TCAF1: variants seen among roughly 807,000 people sequenced by gnomAD.
TCAF1 encodes TRPM8 channel associated factor 1.
TCAF1 carries 4 observed loss-of-function variants against 27.3 expected under a neutral mutation model. The observed-to-expected ratio is 0.15, with a 90% CI of 0.07 to 0.34. The LOEUF is 0.34. Among genes scored for constraint, TCAF1 ranks in the 10% least tolerant of loss-of-function variants. TCAF1 has a pLI of 1.00. For synonymous variants in TCAF1, 105 were observed against 167.1 expected (o/e 0.63, Z 2.87); for missense variants, 257 against 425.8 (o/e 0.60, Z 3.49).
chr7:143,881,073 C>T (rs1351615538), intron 1 of TCAF1, among the ~76,000 whole-genome samples: 1 of 152,174 alleles, frequency 6.6e-6, no homozygotes, highest in Non-Finnish European at 1.5e-5. Flanking sequence ...CCACTCCCAC[C>T]ACAGAGCAGC....
At chr7:143,885,430 G>C in intron 1 of TCAF1, 1 of 985,410 alleles carries the variant, frequency 1.0e-6, no homozygotes, top group Non-Finnish European at 1.2e-6. Context: ...GAGCTTGGCC[G>C]CCGCCCCCGG....
chr7:143,898,848 G>T (rs912711289), intron 1 of TCAF1, among the ~76,000 whole-genome samples: 1 of 152,136 alleles, frequency 6.6e-6, no homozygotes, highest in Non-Finnish European at 1.5e-5. Context: ...CTTAATGAGA[G>T]GCCATCAGGT....
At chr7:143,890,204 A>G (rs2116848559) in intron 1 of TCAF1, among the ~76,000 whole-genome samples, 1 of 151,646 alleles carries the variant, frequency 6.6e-6, no homozygotes, top group East Asian at 2.0e-4. Flanking sequence ...GGGTTTCACC[A>G]TGTTAGCCAG....
At chr7:143,875,764 T>G (rs1199200633) in intron 2 of TCAF1, among the ~76,000 whole-genome samples, 1 of 152,172 alleles carries the variant, frequency 6.6e-6, no homozygotes, top group East Asian at 1.9e-4. Flanking sequence ...CACCATTAAG[T>G]TCAAATTATC....
chr7:143,860,020 T>TATATTATATATATAATATATAA (rs1563212159), intron 6 of TCAF1, among the ~76,000 whole-genome samples, 188 bp downstream of exon 6: 1 of 13,756 alleles, frequency 7.3e-5, no homozygotes, highest in Non-Finnish European at 1.9e-4. Flanking sequence ...ATAATATATA[T>TATATTATATATATAATATATAA]TATATATTAT....
rs1811871439 is a variant in TCAF1 at position 143,859,981 on chromosome 7, T to TTATATATTATA, written c.2167+226_2167+227insTATAATATATA. On this transcript the variant is annotated intron_variant, in intron 6 of 8. Transcript: ENST00000479870. ...CGGAATATATATTATATAATATATA[T>TTATATATTATA]TATATAATATATATTATATAATATA... Among the ~76,000 whole-genome samples, 114 of 43,488 alleles carry TTATATATTATA rather than the reference T, an allele frequency of 2.6e-3. 2 individuals are homozygous for TTATATATTATA. Among genetic ancestry groups the TTATATATTATA allele is most frequent in the Non-Finnish European group, 3.8e-3 (95 of 25,030 alleles). The allele number at this position is 43,488 out of a possible 152,430, so 28.5% of individuals were successfully genotyped here.
At chr7:143,876,812 A>C (rs774769870) in intron 1 of TCAF1, among the ~76,000 whole-genome samples, 190 bp from the exon 2 acceptor site, 2 of 152,226 alleles carry the variant, frequency 1.3e-5, no homozygotes, top group Non-Finnish European at 2.9e-5. Flanking sequence ...CTCTCCTCTT[A>C]AATTCTGCAG....
At chr7:143,885,181 C>T in intron 1 of TCAF1, 1 of 985,496 alleles carries the variant, frequency 1.0e-6, no homozygotes, top group Non-Finnish European at 1.2e-6. Flanking sequence ...CTGGTCTGGT[C>T]CCCGAAACCA....
At chr7:143,892,994 T>G (rs545412993) in intron 1 of TCAF1, among the ~76,000 whole-genome samples, 2 of 152,098 alleles carry the variant, frequency 1.3e-5, no homozygotes, top group Non-Finnish European at 2.9e-5. Context: ...ACTATATAAA[T>G]AATTATACTA....
In TCAF1 at chr7:143,888,668, G is replaced by A. The variant is rs375646284; in HGVS notation, c.-14-12046C>T. Among the ~76,000 whole-genome samples, 6 of 152,238 alleles carry A rather than the reference G, an allele frequency of 3.9e-5. 1 individual carries two copies. The East Asian group carries it at 7.7e-4, about 20-fold the overall frequency. On this transcript the variant is annotated intron_variant, in intron 1 of 8. Coordinates refer to ENST00000479870, the MANE Select transcript of TCAF1 (RefSeq NM_014719.3). ...TTTGAGGTGGTCCCAATTTGCTAAT[G>A]TATTCAATTGGAAGATGCACATGCA...
chr7:143,893,225 C>T (rs1586798290), intron 1 of TCAF1, among the ~76,000 whole-genome samples: 1 of 152,060 alleles, frequency 6.6e-6, no homozygotes, highest in African/African-American at 2.4e-5. Flanking sequence ...TACAGCAATA[C>T]AAAAATTTTA....
intron 1 of TCAF1, chr7:143,885,686 T>G (rs1482335332): frequency 2.2e-5 from 8 of 366,122 alleles, no homozygotes; most frequent in Non-Finnish European, 3.0e-5. Flanking sequence ...TGCCTCTATC[T>G]ATATATTTAT....
At chr7:143,879,832 C>A (rs1369238803) in intron 1 of TCAF1, among the ~76,000 whole-genome samples, 1 of 152,094 alleles carries the variant, frequency 6.6e-6, no homozygotes, top group Non-Finnish European at 1.5e-5. Context: ...CCCCAGCCAT[C>A]TATCCACACA....
chr7:143,877,127 G>A (rs552170193), intron 1 of TCAF1, among the ~76,000 whole-genome samples: 1 of 152,278 alleles, frequency 6.6e-6, no homozygotes, highest in East Asian at 1.9e-4. Context: ...AAGAATTGCT[G>A]GCAAACACCA....
At chr7:143,860,021 T>TATATAATATATATATAATATATA (rs1563212233) in intron 6 of TCAF1, among the ~76,000 whole-genome samples, 187 bp downstream of exon 6, 601 of 32,694 alleles carry the variant, frequency 0.018, 161 homozygotes, top group Non-Finnish European at 0.029. Context: ...TAATATATAT[T>TATATAATATATATATAATATATA]ATATATTATA....
intron 1 of TCAF1, chr7:143,886,549 G>T: frequency 1.0e-6 from 1 of 984,530 alleles, no homozygotes; most frequent in African/African-American, 1.7e-5. Flanking sequence ...ATGGATGGAT[G>T]AAATGGGGTA....
intron 1 of TCAF1, among the ~76,000 whole-genome samples, chr7:143,884,505 C>T (rs973980376): frequency 1.3e-5 from 2 of 152,218 alleles, no homozygotes; most frequent in African/African-American, 4.8e-5. Context: ...GTGACTGGCA[C>T]TCACTAAGTC....
intron 2 of TCAF1, among the ~76,000 whole-genome samples, chr7:143,872,428 C>CTG (rs1469550449): frequency 1.5e-5 from 2 of 132,116 alleles, no homozygotes; most frequent in African/African-American, 5.4e-5. Flanking sequence ...TTCTTGAGAT[C>CTG]TGTAGGTTAC....
In TCAF1 at chr7:143,885,080, C is replaced by T. The variant is rs970362240; in HGVS notation, c.-14-8458G>A. 6 of 985,490 alleles carry T rather than the reference C, an allele frequency of 6.1e-6. No individual in the cohort carries two copies. The African/African-American group carries it at 1.0e-4, about 17-fold the overall frequency. 61.0% of individuals were successfully genotyped at this position (985,490 alleles called of 1,614,324 possible). A position where few individuals can be genotyped will look rare whatever the true frequency, so the allele number is the denominator to read the frequency against. On this transcript the variant is annotated intron_variant, in intron 1 of 8. Coordinates refer to ENST00000479870, the MANE Select transcript of TCAF1 (RefSeq NM_014719.3). ...CGTGCGCCCCCCTCGGCCGCGCTCC[C>T]CAAGGACCCCGACCCAGTGCCTCCT... is the stretch of plus-strand genomic sequence containing the variant.
Sources: allele counts gnomAD v4.1 joint callset (sites outside exome capture counted in the v4.1 genomes callset), GRCh38; gene constraint gnomAD v4.1.1; transcripts MANE v1.5; gene names NCBI Gene and HGNC (gene_info 2026-07-23, HGNC 2026-07-21).